PTBP3: variants seen among roughly 807,000 people sequenced by gnomAD.
The protein encoded by PTBP3 is polypyrimidine tract-binding protein 3.
PTBP3 carries 20 observed loss-of-function variants against 58.7 expected under a neutral mutation model. That is an observed-to-expected ratio of 0.34 (90% CI 0.24 to 0.50). PTBP3 has a LOEUF of 0.50. PTBP3 is among the 20% of genes least tolerant of loss of function. PTBP3 has a pLI of 0.98. For missense variants in PTBP3, 509 were observed against 637.2 expected (o/e 0.80, Z 2.17); for synonymous variants, 185 against 219.8 (o/e 0.84, Z 1.40).
At chr9:112,307,287 T>C (rs180966961) in intron 1 of PTBP3, among the ~76,000 whole-genome samples, 3 of 152,168 alleles carry the variant, frequency 2.0e-5, no homozygotes, top group South Asian at 2.1e-4. Flanking sequence ...ATCCCATCTC[T>C]ACCAAAAACA....
intron 1 of PTBP3, among the ~76,000 whole-genome samples, chr9:112,332,076 A>G (rs1039341217): frequency 6.6e-6 from 1 of 152,160 alleles, no homozygotes; most frequent in Non-Finnish European, 1.5e-5. Flanking sequence ...GTAATGTGAA[A>G]TAAGTTTTCA....
chr9:112,308,712 T>G (rs891519571), intron 1 of PTBP3, among the ~76,000 whole-genome samples: 1 of 151,958 alleles, frequency 6.6e-6, no homozygotes, highest in Non-Finnish European at 1.5e-5. Flanking sequence ...TAGCAAAATG[T>G]GAAGACATAG....
At chr9:112,302,959 G>GT (rs1304238664) in intron 1 of PTBP3, among the ~76,000 whole-genome samples, 6 of 151,946 alleles carry the variant, frequency 3.9e-5, no homozygotes, top group South Asian at 2.1e-4. Context: ...AGTTACTCAT[G>GT]TTTTTTTTCT....
Position 112,220,915 on chromosome 9 carries a change from G to A in PTBP3, c.*2936C>T. On this transcript the variant is annotated 3_prime_UTR_variant, in exon 14 of 14. Transcript: ENST00000374257. ...TAGGATACTACGGTAGATCAACAGA[G>A]AAAAACCATTGCTAGAAGATACTGA... The A allele has an allele frequency of 1.0e-6, 1 of 967,736 alleles. No individual in the cohort carries two copies. Among genetic ancestry groups the A allele is most frequent in the Non-Finnish European group, 1.2e-6 (1 of 813,910 alleles). 59.9% of individuals were successfully genotyped at this position (967,736 alleles called of 1,614,324 possible). A position where few individuals can be genotyped will look rare whatever the true frequency, so the allele number is the denominator to read the frequency against.
At chr9:112,287,827 T>TG (rs1008479246) in intron 2 of PTBP3, among the ~76,000 whole-genome samples, 1 of 152,222 alleles carries the variant, frequency 6.6e-6, no homozygotes, top group African/African-American at 2.4e-5. Flanking sequence ...TTTAAATACT[T>TG]GAACATACTT....
intron 7 of PTBP3, chr9:112,242,870 C>A (rs1835714946): frequency 6.6e-6 from 1 of 152,200 alleles, no homozygotes; most frequent in Non-Finnish European, 1.5e-5. Flanking sequence ...AGATCCATTT[C>A]AATTTAATTT....
chr9:112,223,583 T>C lies in PTBP3; in HGVS notation c.*268A>G. ...TCTAATTTAATATAGGGAATAAGAT[T>C]ATTGAAAAAAAATTTTTTTCCTGAT... On this transcript the variant is annotated 3_prime_UTR_variant, in exon 14 of 14. Coordinates refer to ENST00000374257, the MANE Select transcript of PTBP3 (RefSeq NM_001163788.4). The C allele has an allele frequency of 8.9e-7, 1 of 1,121,614 alleles. No homozygotes were observed. The highest frequency in any genetic ancestry group is 1.1e-6 in the Non-Finnish European group (1 of 897,806). 69.5% of individuals were successfully genotyped at this position (1,121,614 alleles called of 1,614,324 possible).
At chr9:112,252,552 C>T (rs1350796315) in intron 6 of PTBP3, 126 bp downstream of exon 6, 4 of 673,546 alleles carry the variant, frequency 5.9e-6, no homozygotes, top group East Asian at 5.8e-5. Context: ...CACTTTAAAA[C>T]GACTAAAATG....
chr9:112,234,749 C>T (rs911722847), intron 8 of PTBP3, 71 bp downstream of exon 8: 6 of 1,382,664 alleles, frequency 4.3e-6, no homozygotes, highest in Non-Finnish European at 6.1e-6. Context: ...TAACATTCTT[C>T]ATCTTGGTAA....
chr9:112,352,949 G>A, the PTBP3 span, among the ~76,000 whole-genome samples: 1 of 151,184 alleles, frequency 6.6e-6, no homozygotes, highest in African/African-American at 2.4e-5. Flanking sequence ...TTCCCAGGCT[G>A]GAGTGCAGTG....
the PTBP3 span, among the ~76,000 whole-genome samples, chr9:112,351,870 CACA>C: frequency 9.2e-5 from 14 of 151,960 alleles, no homozygotes; most frequent in Admixed American, 8.5e-4. Context: ...TACTTTATGG[CACA>C]ACAAGATGCT....
chr9:112,227,664 T>G, intron 11 of PTBP3, 37 bp from the exon 12 acceptor site: 1 of 1,464,082 alleles, frequency 6.8e-7, no homozygotes, highest in East Asian at 2.3e-5. Flanking sequence ...GTTTGAGTAT[T>G]AGGATAGATT....
upstream of PTBP3, chr9:112,333,635 G>GACCGGGC (rs1830483297): frequency 1.3e-6 from 1 of 750,502 alleles, no homozygotes; most frequent in African/African-American, 1.8e-5. Flanking sequence ...CAGGGGCGGG[G>GACCGGGC]ACCGGGCACG....
intron 5 of PTBP3, among the ~76,000 whole-genome samples, chr9:112,253,719 A>G (rs927798368): frequency 6.6e-6 from 1 of 152,004 alleles, no homozygotes; most frequent in Non-Finnish European, 1.5e-5. Flanking sequence ...GGAGTTCTCA[A>G]GAGATCTGAT....
At chr9:112,327,648 A>G (rs1445556925) in intron 1 of PTBP3, among the ~76,000 whole-genome samples, 1 of 152,194 alleles carries the variant, frequency 6.6e-6, no homozygotes, top group Non-Finnish European at 1.5e-5. Flanking sequence ...GGCTCAAAAA[A>G]TTGTAACACC....
intron 2 of PTBP3, among the ~76,000 whole-genome samples, chr9:112,280,238 A>G (rs1455130374): frequency 6.6e-6 from 1 of 152,128 alleles, no homozygotes; most frequent in African/African-American, 2.4e-5. Context: ...TATTTTTAGT[A>G]GACACGTGGT....
At chr9:112,312,485 T>TTTG (rs1329329103) in intron 1 of PTBP3, among the ~76,000 whole-genome samples, 2 of 52,218 alleles carry the variant, frequency 3.8e-5, no homozygotes, top group Non-Finnish European at 6.7e-5. Context: ...TGTTTTTTTT[T>TTTG]TTGTTTTTTT....
intron 11 of PTBP3, 40 bp downstream of exon 11, chr9:112,228,340 C>T: frequency 7.0e-7 from 1 of 1,432,462 alleles, no homozygotes; most frequent in Non-Finnish European, 9.5e-7. Flanking sequence ...ACAAAAGGGG[C>T]AAGTTCACAT....
At chr9:112,289,424 A>T (rs147475977) in intron 2 of PTBP3, among the ~76,000 whole-genome samples, 2 of 152,196 alleles carry the variant, frequency 1.3e-5, no homozygotes, top group Non-Finnish European at 2.9e-5. Context: ...AAGACAAAAA[A>T]AAAACCTAGC....
Sources: gnomAD v4.1 joint callset for allele counts (sites outside exome capture counted in the v4.1 genomes callset) on GRCh38, gnomAD v4.1.1 for gene constraint, MANE v1.5 for transcripts, NCBI Gene and HGNC (gene_info 2026-07-23, HGNC 2026-07-21) for gene names.